SGSM2: variants seen among roughly 807,000 people sequenced by gnomAD.
SGSM2 encodes small G protein signaling modulator 2, also known as RUN and TBC1 domain containing 1.
Under a neutral mutation model 126.6 loss-of-function variants are expected in SGSM2, and 89 were observed. The ratio of observed to expected loss-of-function variants is 0.70; its 90% CI spans 0.59 to 0.84. The LOEUF is 0.84. SGSM2 is among the 40% of genes least tolerant of loss of function. The pLI, the probability that SGSM2 is intolerant of heterozygous loss-of-function variation, is 0.00. For missense variants in SGSM2, 1,404 were observed against 1,416.6 expected (o/e 0.99, Z 0.14); for synonymous variants, 614 against 574.3 (o/e 1.07, Z -0.99).
intron 2 of SGSM2, among the ~76,000 whole-genome samples, chr17:2,345,486 C>T (rs2064560374): frequency 6.6e-6 from 1 of 151,724 alleles, no homozygotes; most frequent in South Asian, 2.1e-4. Context: ...GTCCCAGCTA[C>T]TCAGGAGGCT....
At position 2,343,634 on chromosome 17, in the gene SGSM2, T is replaced by C. The variant is rs917857293; in HGVS notation, c.133+14T>C. On this transcript the variant is annotated intron_variant, in intron 2 of 23. Coordinates refer to ENST00000268989, the MANE Select transcript of SGSM2 (RefSeq NM_014853.3). ...TTGCTTTATGTGGTGAGTGAGTGAC[T>C]GAAGGATGATGGGAGGTCGGTCTAG... is the stretch of plus-strand genomic sequence containing the variant. 3.7e-6 allele frequency: 6 copies of C among 1,612,638 alleles called. No individual in the cohort carries two copies. Among genetic ancestry groups the C allele is most frequent in the Non-Finnish European group, 5.1e-6 (6 of 1,178,784 alleles).
chr17:2,377,214 C>T lies in SGSM2; in HGVS notation c.2802+146C>T, dbSNP rs966212725. ...AAAAGACATGGTTTCAGCAGGGCAA[C>T]GTGGCTCAGGCCTGTCATCCCAGCA... On this transcript the variant is annotated intron_variant, in intron 21 of 23. Transcript: ENST00000268989. 9 of 612,482 alleles carry T rather than the reference C, an allele frequency of 1.5e-5. 1 individual carries two copies. The highest frequency in any genetic ancestry group is 6.3e-5 in the Admixed American group (2 of 31,730). 37.9% of individuals were successfully genotyped at this position (612,482 alleles called of 1,614,324 possible).
chr17:2,364,510 C>T (rs1194605616), intron 8 of SGSM2, 86 bp from the exon 9 acceptor site: 12 of 1,443,732 alleles, frequency 8.3e-6, no homozygotes, highest in South Asian at 3.4e-5. Flanking sequence ...AGGGGAGTTT[C>T]GTGGGGTGGT....
rs770673308 is a variant in SGSM2 at position 2,375,579 on chromosome 17, G to T, written c.2188G>T (p.Gly730Trp). 3.0e-5 allele frequency: 48 copies of T among 1,613,958 alleles called. 2 individuals carry two copies. In the South Asian group the frequency reaches 5.2e-4, roughly 17 times the overall value. Reference sequence around the variant, plus strand: ...AAAACCTGAGCAGGAAGCAGGACCCGGGACTCCGGGCACCGCCGTGGTGGA... The same window carrying T: ...AAAACCTGAGCAGGAAGCAGGACCCTGGACTCCGGGCACCGCCGTGGTGGA... ...RPKPEQEAGP[G>W]TPGTAVVEQQ... is the part of the protein sequence containing the mutation. Residue 730 changes from glycine (G) to tryptophan (W), a missense_variant, in exon 18 of 24, where the codon GGG (glycine) becomes TGG (tryptophan). Physicochemically the swap from Gly to Trp is radical, Grantham distance 184 (BLOSUM62 -2). Coordinates refer to ENST00000268989, the MANE Select transcript of SGSM2 (RefSeq NM_014853.3).
intron 8 of SGSM2, 114 bp downstream of exon 8, chr17:2,364,297 G>C (rs2065457092): frequency 7.3e-7 from 1 of 1,372,058 alleles, no homozygotes; most frequent in East Asian, 2.4e-5. Context: ...TCTTTATTTG[G>C]ACGCCAAGAA....
Position 2,364,596 on chromosome 17 carries a change from C to T in SGSM2, c.933C>T (p.Ser311=), listed in dbSNP as rs961903409. The T allele has an allele frequency of 1.1e-5, 18 of 1,614,036 alleles. No homozygotes were observed. Among genetic ancestry groups the T allele is most frequent in the African/African-American group, 1.3e-5 (1 of 74,930 alleles). ...GTLGDSELEK[S]VYWDYALVVP... ...TGACAGCAGTCTGGTTCCTTTCTAG[C>T]GTTTACTGGGACTATGCCCTCGTGG... Residue 311 remains serine (S), a splice_region_variant and synonymous_variant, in exon 9 of 24, where the codon AGC becomes AGT. Transcript: ENST00000268989.
chr17:2,378,927 T>C (rs111645868), intron 22 of SGSM2, 109 bp from the exon 23 acceptor site: 368 of 1,155,296 alleles, frequency 3.2e-4, no homozygotes, highest in African/African-American at 2.0e-3. Context: ...AGCCCCAGCC[T>C]CAGCCTCAGC....
intron 17 of SGSM2, chr17:2,375,007 C>T (rs562755059): frequency 6.5e-6 from 1 of 153,356 alleles, no homozygotes; most frequent in Non-Finnish European, 1.5e-5. Flanking sequence ...ATGGAACTGA[C>T]TAGGTGCTTG....
chr17:2,376,590 T>A, intron 19 of SGSM2, 143 bp from the exon 20 acceptor site: 1 of 915,738 alleles, frequency 1.1e-6, no homozygotes. Context: ...GTTGTCTCCC[T>A]GTGGGGGGTG....
At position 2,361,797 on chromosome 17, in the gene SGSM2, C is replaced by A; in HGVS notation, c.294C>A (p.Gly98=). 1 of 1,602,248 alleles carries A rather than the reference C, an allele frequency of 6.2e-7. No homozygotes were observed. The highest frequency in any genetic ancestry group is 1.1e-5 in the South Asian group (1 of 90,180). ...KVQELQQQAE[G]RKPSGVSQEA... is the part of the protein sequence containing the mutation. ...AGGAGCTGCAGCAACAAGCAGAGGGCAGGTGAGCCCTGGGCCAGCCCCTTC... is the reference window on the plus strand; with the variant it reads ...AGGAGCTGCAGCAACAAGCAGAGGGAAGGTGAGCCCTGGGCCAGCCCCTTC... The change falls in exon 3 of 24, where the codon GGC becomes GGA. Residue 98 remains glycine (G), a splice_region_variant and synonymous_variant. Transcript: ENST00000268989.
At chr17:2,368,933 A>G (rs2151601577) in intron 12 of SGSM2, among the ~76,000 whole-genome samples, 1 of 152,232 alleles carries the variant, frequency 6.6e-6, no homozygotes, top group East Asian at 1.9e-4. Flanking sequence ...CGGTGATAAA[A>G]AGCCTATCCC....
rs151055025 is a variant in SGSM2, at chr17:2,349,503, T to C, written c.133+5883T>C. Among the ~76,000 whole-genome samples, 446 of 152,268 alleles carry C rather than the reference T, an allele frequency of 2.9e-3. 5 individuals are homozygous for C. The highest frequency in any genetic ancestry group is 0.01 in the African/African-American group (430 of 41,554). ...AATCAGAAATTTGAACATCAGGAAC[T>C]CAATAAGGAAATTTGATAATATAAA... On this transcript the variant is annotated intron_variant, in intron 2 of 23. Transcript: ENST00000268989.
chr17:2,378,828 A>G (rs2066291818), intron 22 of SGSM2, among the ~76,000 whole-genome samples: 1 of 152,150 alleles, frequency 6.6e-6, no homozygotes, highest in Admixed American at 6.5e-5. Context: ...CATGGAGAGA[A>G]TCCCACGACT....
chr17:2,343,015 A>T (rs966582557), intron 1 of SGSM2, among the ~76,000 whole-genome samples: 1 of 152,162 alleles, frequency 6.6e-6, no homozygotes, highest in Non-Finnish European at 1.5e-5. Flanking sequence ...GTATTTGGGA[A>T]CTTTTACATC....
intron 19 of SGSM2, 32 bp downstream of exon 19, chr17:2,376,293 G>T: frequency 1.3e-6 from 2 of 1,593,136 alleles, no homozygotes; most frequent in Non-Finnish European, 1.7e-6. Context: ...AGGGTGGGAG[G>T]CGGGACCCTG....
intron 22 of SGSM2, 81 bp from the exon 23 acceptor site, chr17:2,378,943 CCCCAGCCTCAAT>C (rs1254736444): frequency 2.2e-5 from 32 of 1,436,630 alleles, no homozygotes; most frequent in African/African-American, 4.2e-5. Flanking sequence ...TCAGCCTCAG[CCCCAGCCTCAAT>C]CCCAGCCTCA....
At position 2,337,791 on chromosome 17, in the gene SGSM2, G is replaced by A. The variant is rs1328331130; in HGVS notation, c.57+46G>A. 16 of 1,443,170 alleles carry A rather than the reference G, an allele frequency of 1.1e-5. No homozygotes were observed. The Admixed American group carries it at 2.2e-4, about 20-fold the overall frequency. 89.4% of individuals were successfully genotyped at this position (1,443,170 alleles called of 1,614,324 possible). On this transcript the variant is annotated intron_variant, in intron 1 of 23. Transcript: ENST00000268989. The surrounding 1 kb of genome is among the most constrained non-coding windows in gnomAD (Gnocchi z 5.1). The stretch of plus-strand genomic sequence containing the variant: ...CCGGGGGGCTCGCGCCCTGGCCCGC[G>A]CGGCCCAGGGGGCAGAAAGGTCCGC...
chr17:2,348,045 C>A (rs76638837), intron 2 of SGSM2, among the ~76,000 whole-genome samples: 2 of 152,064 alleles, frequency 1.3e-5, no homozygotes, highest in African/African-American at 4.8e-5. Context: ...AGCTGTAATT[C>A]GAGAAGGGTG....
intron 2 of SGSM2, among the ~76,000 whole-genome samples, chr17:2,344,668 T>C (rs574416077): frequency 4.1e-4 from 63 of 152,190 alleles, no homozygotes; most frequent in African/African-American, 1.3e-3. Flanking sequence ...CAAGTAAATA[T>C]GTCATCCAAT....
Sources: allele counts gnomAD v4.1 joint callset (sites outside exome capture counted in the v4.1 genomes callset), GRCh38; gene constraint gnomAD v4.1.1; non-coding constraint Gnocchi (gnomAD v3.1); transcripts MANE v1.5; gene names NCBI Gene and HGNC (gene_info 2026-07-23, HGNC 2026-07-21).